Variants in NPAS3 observed in about 807,000 individuals in gnomAD.
The protein encoded by NPAS3 is neuronal PAS domain protein 3, also known as neuronal PAS domain-containing protein 3.
A neutral mutation model predicts 73.1 loss-of-function variants in NPAS3; 14 were observed. The observed-to-expected ratio is 0.19, with a 90% CI of 0.13 to 0.30. The LOEUF (loss-of-function observed/expected upper bound fraction) is 0.30, where lower values mean the gene tolerates loss of function less well. Among genes scored for constraint, NPAS3 ranks in the 10% least tolerant of loss-of-function variants. The pLI is 1.00. For synonymous variants in NPAS3, 620 were observed against 541.5 expected (o/e 1.14, Z -2.01); for missense variants, 1,096 against 1,250.0 (o/e 0.88, Z 1.86).
rs138335715 is a variant in NPAS3 at position 33,296,800 on chromosome 14, G to A, written c.386-70386G>A. On this transcript the variant is annotated intron_variant, in intron 3 of 11. Coordinates refer to ENST00000356141, the Ensembl canonical transcript of NPAS3. ...GTGGTCAAGAATTTTATTAGTCCGGGTAAAATTATGTTTGTTTTCCTGACT... is the reference window on the plus strand; with the variant it reads ...GTGGTCAAGAATTTTATTAGTCCGGATAAAATTATGTTTGTTTTCCTGACT... 2.0e-3 allele frequency among the ~76,000 whole-genome samples: 305 copies of A among 152,264 alleles called. 1 individual carries two copies. The highest frequency in any genetic ancestry group is 3.8e-3 in the Non-Finnish European group (257 of 68,018).
intron 5 of NPAS3, among the ~76,000 whole-genome samples, chr14:33,561,351 G>T (rs1272409270): frequency 2.6e-5 from 4 of 152,188 alleles, no homozygotes; most frequent in Non-Finnish European, 5.9e-5. Context: ...AAGGAGGCTT[G>T]GGGAAGGAGG....
intron 5 of NPAS3, among the ~76,000 whole-genome samples, chr14:33,644,275 CAT>C (rs1019983533): frequency 1.3e-5 from 2 of 152,166 alleles, no homozygotes; most frequent in African/African-American, 2.4e-5. Context: ...AGCCATGAAA[CAT>C]ATGTTCAGAA....
chr14:32,957,440 C>T (rs10148972), intron 1 of NPAS3, among the ~76,000 whole-genome samples: 41,945 of 149,224 alleles, frequency 0.28, 6,161 homozygotes, highest in African/African-American at 0.33. Flanking sequence ...GGTGCGATCT[C>T]GGCTCACTGC....
chr14:33,590,985 T>A (rs2057043559), intron 5 of NPAS3, among the ~76,000 whole-genome samples: 1 of 152,166 alleles, frequency 6.6e-6, no homozygotes, highest in Non-Finnish European at 1.5e-5. Flanking sequence ...CCTACATCCC[T>A]GTTAGGAAGG....
chr14:33,022,664 CAA>C (rs34475386), intron 1 of NPAS3, among the ~76,000 whole-genome samples: 14,771 of 97,778 alleles, frequency 0.15, 667 homozygotes, highest in East Asian at 0.28. Context: ...GACTCCGTCC[CAA>C]AAAAAAAAAA....
intron 4 of NPAS3, among the ~76,000 whole-genome samples, chr14:33,410,847 T>C (rs2047890674): frequency 6.6e-6 from 1 of 152,312 alleles, no homozygotes; most frequent in South Asian, 2.1e-4. Context: ...GATTTCACCA[T>C]GCTGGCCAGG....
intron 9 of NPAS3, among the ~76,000 whole-genome samples, chr14:33,782,836 A>C (rs1368462866): frequency 3.3e-5 from 5 of 152,004 alleles, no homozygotes; most frequent in Non-Finnish European, 7.4e-5. Flanking sequence ...AAAAAAGAAA[A>C]AAACAGTAGC....
chr14:33,090,522 G>C (rs2042188424), intron 2 of NPAS3, among the ~76,000 whole-genome samples: 2 of 152,140 alleles, frequency 1.3e-5, no homozygotes, highest in Admixed American at 6.5e-5. Context: ...CCTACAAAGA[G>C]ACTTAGACTC....
chr14:33,024,394 A>G (rs1268305748), intron 1 of NPAS3, among the ~76,000 whole-genome samples: 1 of 151,898 alleles, frequency 6.6e-6, no homozygotes, highest in Admixed American at 6.6e-5. Context: ...CTGGTCTCGA[A>G]CTACTGACCT....
intron 3 of NPAS3, among the ~76,000 whole-genome samples, chr14:33,249,325 C>G (rs2048495611): frequency 7.0e-6 from 1 of 142,294 alleles, no homozygotes; most frequent in Admixed American, 7.4e-5. Flanking sequence ...CCACTTTACT[C>G]CATTTTAATT....
intron 5 of NPAS3, among the ~76,000 whole-genome samples, chr14:33,666,645 A>C (rs1032436395): frequency 1.3e-4 from 20 of 151,934 alleles, no homozygotes; most frequent in African/African-American, 4.1e-4. Context: ...GTGTTGTCAT[A>C]TTTTTTTTCA....
chr14:32,968,890 G>T (rs1032191089), intron 1 of NPAS3, among the ~76,000 whole-genome samples: 1 of 151,958 alleles, frequency 6.6e-6, no homozygotes, highest in African/African-American at 2.4e-5. Context: ...CATCACCTAG[G>T]TATTAAGCCC....
intron 1 of NPAS3, among the ~76,000 whole-genome samples, chr14:33,007,781 TTG>T (rs1373610688): frequency 3.9e-5 from 6 of 152,338 alleles, no homozygotes; most frequent in Admixed American, 2.0e-4. Context: ...ATTTCTGGCT[TTG>T]AGGGCCATAT....
intron 2 of NPAS3, among the ~76,000 whole-genome samples, chr14:33,065,475 G>T (rs1008363579): frequency 1.3e-5 from 2 of 152,108 alleles, no homozygotes; most frequent in African/African-American, 4.8e-5. Context: ...AGCAGAGAGA[G>T]GGCTGGGTCC....
At chr14:33,303,148 T>C (rs540194603) in intron 3 of NPAS3, among the ~76,000 whole-genome samples, 1 of 152,250 alleles carries the variant, frequency 6.6e-6, no homozygotes, top group South Asian at 2.1e-4. Context: ...TTTTCCTTTT[T>C]TCAGTCCTGA....
chr14:33,780,831 G>T, intron 9 of NPAS3: 2 of 266,140 alleles, frequency 7.5e-6, no homozygotes, highest in Non-Finnish European at 1.5e-5. Flanking sequence ...AATTTTTCTG[G>T]TATCTTGCCA....
chr14:33,476,039 C>A (rs1020125038), intron 4 of NPAS3, among the ~76,000 whole-genome samples: 1 of 152,150 alleles, frequency 6.6e-6, no homozygotes, highest in African/African-American at 2.4e-5. Context: ...ATAAGACGTG[C>A]CTTACAGACT....
rs932609043 is a variant in NPAS3, at chr14:33,748,740, G to C, written c.852+13408G>C. 2.0e-5 allele frequency among the ~76,000 whole-genome samples: 3 copies of C among 152,110 alleles called. 1 individual carries two copies. The South Asian group carries it at 6.2e-4, about 32-fold the overall frequency. On this transcript the variant is annotated intron_variant, in intron 7 of 11. Transcript: ENST00000356141. ...GAACAATTGACTTTGATGTTCATTC[G>C]TCATTGATGGTTGGCTGACAGTACC...
chr14:33,257,730 G>A (rs1362262658), intron 3 of NPAS3, among the ~76,000 whole-genome samples: 2 of 152,084 alleles, frequency 1.3e-5, no homozygotes, highest in Non-Finnish European at 2.9e-5. Flanking sequence ...TCACTCCAGG[G>A]AAAGACAGTT....
Sources: gnomAD v4.1 joint callset for allele counts (sites outside exome capture counted in the v4.1 genomes callset) on GRCh38, gnomAD v4.1.1 for gene constraint, MANE v1.5 for transcripts, NCBI Gene and HGNC (gene_info 2026-07-23, HGNC 2026-07-21) for gene names.